Variants in HAPLN3 observed in about 807,000 individuals in gnomAD.
HAPLN3 encodes the protein hyaluronan and proteoglycan link protein 3.
In HAPLN3, 28 loss-of-function variants were observed where a neutral mutation model predicts 28.1. The observed-to-expected ratio is 1.00, with a 90% CI of 0.74 to 1.37. The LOEUF (loss-of-function observed/expected upper bound fraction) is 1.37. Ranked by LOEUF, HAPLN3 falls within the 40% of genes most tolerant of loss-of-function variation. The probability of loss-of-function intolerance (pLI) is 0.00; values close to 1 mark genes in which losing one functional copy is unlikely to be tolerated. For missense variants in HAPLN3, 513 were observed against 504.6 expected (o/e 1.02, Z -0.16); for synonymous variants, 211 against 213.1 (o/e 0.99, Z 0.09).
Position 88,887,219 on chromosome 15 carries a change from G to T in HAPLN3, c.80C>A (p.Ser27Tyr), listed in dbSNP as rs746281758. ...TAGGTTCTGGTCGTTGGCGCTGTTG[G>T]AGTAGTAGAAGCCGTTGTAGAAGGG... ...GLPFYNGFYYSNSANDQNLGN... is the reference protein window; with the variant it reads ...GLPFYNGFYYYNSANDQNLGN... The change falls in exon 2 of 5, where the codon TCC becomes TAC. Residue 27 changes from serine to tyrosine, a missense_variant. Physicochemically the swap from Ser to Tyr is moderately radical, Grantham distance 144. Transcript: ENST00000359595. 5 of 1,614,162 alleles carry T rather than the reference G, an allele frequency of 3.1e-6. No individual in the cohort carries two copies. Among genetic ancestry groups the T allele is most frequent in the East Asian group, 2.2e-5 (1 of 44,866 alleles).
chr15:88,887,476 G>T, intron 1 of HAPLN3, 131 bp from the exon 2 acceptor site: 2 of 794,554 alleles, frequency 2.5e-6, no homozygotes, highest in Non-Finnish European at 3.9e-6. Flanking sequence ...CGTGCCAGAC[G>T]CTGTTCCCGG....
At chr15:88,884,016 T>G (rs1042242733) in intron 2 of HAPLN3, among the ~76,000 whole-genome samples, 1 of 150,732 alleles carries the variant, frequency 6.6e-6, no homozygotes, top group Non-Finnish European at 1.5e-5. Flanking sequence ...GAGGCAGAAG[T>G]TGCAGTGAGC....
At chr15:88,889,298 C>A (rs1056049150) in intron 1 of HAPLN3, among the ~76,000 whole-genome samples, 1 of 151,968 alleles carries the variant, frequency 6.6e-6, no homozygotes, top group Non-Finnish European at 1.5e-5. Context: ...CCAGGGCCAG[C>A]GTCTGGATGC....
chr15:88,881,568 G>A lies in HAPLN3; in HGVS notation c.282C>T (p.Asn94=), dbSNP rs770601962. 3.2e-5 allele frequency: 52 copies of A among 1,613,920 alleles called. No individual in the cohort carries two copies. Among genetic ancestry groups the A allele is most frequent in the Middle Eastern group, 1.6e-4 (1 of 6,084 alleles). ...VRVKWWKLSE[N]GAPEKDVLVA... is the part of the protein sequence containing the mutation. ...CCAGCACGTCCTTCTCTGGGGCCCC[G>A]TTCTCCGACAGCTTCCACCATTTGA... The change falls in exon 3 of 5, where the codon AAC becomes AAT. Residue 94 remains asparagine, a synonymous_variant. Transcript: ENST00000359595. The surrounding 1 kb of genome is among the most constrained non-coding windows in gnomAD (Gnocchi z 6.0).
chr15:88,877,956 G>A lies in HAPLN3; in HGVS notation c.*14C>T, dbSNP rs759420678. 1 of 1,574,602 alleles carries A rather than the reference G, an allele frequency of 6.4e-7. No individual in the cohort carries two copies. Among genetic ancestry groups the A allele is most frequent in the Admixed American group, 1.8e-5 (1 of 54,984 alleles). The stretch of plus-strand genomic sequence containing the variant: ...CAGCCAGTGAGGGAATGCGGCAGGG[G>A]AGGGCCCCAGGTCCTAGTGCTGGCG... On this transcript the variant is annotated 3_prime_UTR_variant, in exon 5 of 5. Coordinates refer to ENST00000359595, the MANE Select transcript of HAPLN3 (RefSeq NM_178232.4). The surrounding 1 kb of genome is among the most constrained non-coding windows in gnomAD (Gnocchi z 5.1).
chr15:88,879,809 G>A lies in HAPLN3; in HGVS notation c.494-540C>T. On this transcript the variant is annotated intron_variant, in intron 3 of 4. Transcript: ENST00000359595. This position sits in a 1 kb window ranked among gnomAD's most constrained non-coding sequence, Gnocchi z 5.0. Reference sequence around the variant, plus strand: ...TTCCATAAAGGAGGCTCAAGGGCAGGGAGGTCTGGGGCAGGCGGTTTCTCT... The same window carrying A: ...TTCCATAAAGGAGGCTCAAGGGCAGAGAGGTCTGGGGCAGGCGGTTTCTCT... 9.2e-7 allele frequency: 1 copy of A among 1,088,908 alleles called. No homozygotes were observed. The highest frequency in any genetic ancestry group is 1.1e-6 in the Non-Finnish European group (1 of 891,402). 67.5% of individuals were successfully genotyped at this position (1,088,908 alleles called of 1,614,324 possible).
At chr15:88,891,620 T>C (rs556277318) in intron 1 of HAPLN3, among the ~76,000 whole-genome samples, 1 of 152,284 alleles carries the variant, frequency 6.6e-6, no homozygotes, top group East Asian at 1.9e-4. Flanking sequence ...TCCTTACCAC[T>C]ACCCTGACAT....
At chr15:88,878,336 C>T (rs1897594101) in intron 4 of HAPLN3, 80 bp from the exon 5 acceptor site, 1 of 1,340,378 alleles carries the variant, frequency 7.5e-7, no homozygotes, top group South Asian at 1.4e-5. Flanking sequence ...GATGCCAGCC[C>T]CAAAGACCCG....
chr15:88,882,067 A>AC lies in HAPLN3; in HGVS notation c.125-343dup, dbSNP rs1233143410. 5.3e-5 allele frequency among the ~76,000 whole-genome samples: 8 copies of AC among 152,302 alleles called. No homozygotes were observed. In the East Asian group the frequency reaches 1.5e-3, roughly 29 times the overall value. ...CTCTTTTTTTAGGACTTTGCCAGCC[A>AC]CCATGAGCACATGGCCAGGCTTGCC... On this transcript the variant is annotated intron_variant, in intron 2 of 4. Transcript: ENST00000359595.
chr15:88,893,932 A>G (rs2141679071), intron 1 of HAPLN3, among the ~76,000 whole-genome samples: 1 of 117,760 alleles, frequency 8.5e-6, no homozygotes, highest in South Asian at 3.1e-4. Flanking sequence ...CCATCTCAAA[A>G]AAAAAAAAAA....
rs563319973 is a variant in HAPLN3, at chr15:88,888,198, T to G, written c.-47-853A>C. On this transcript the variant is annotated intron_variant, in intron 1 of 4. Coordinates refer to ENST00000359595, the MANE Select transcript of HAPLN3 (RefSeq NM_178232.4). The surrounding 1 kb of genome is among the most constrained non-coding windows in gnomAD (Gnocchi z 4.1). ...CCTCCGCCTCCTGGGTTCAAGAAAT[T>G]CTCCTGCCTCAGCCTCCCGAGTAGC... 6.6e-6 allele frequency among the ~76,000 whole-genome samples: 1 copy of G among 150,542 alleles called. No individual in the cohort carries two copies. The highest frequency in any genetic ancestry group is 1.5e-5 in the Non-Finnish European group (1 of 67,650).
Position 88,895,198 on chromosome 15 carries a change from G to T in HAPLN3, c.-48+261C>A, listed in dbSNP as rs1404132250. Among the ~76,000 whole-genome samples the T allele has an allele frequency of 6.6e-6, 1 of 152,180 alleles. No individual in the cohort carries two copies. The highest frequency in any genetic ancestry group is 1.5e-5 in the Non-Finnish European group (1 of 68,030). The stretch of plus-strand genomic sequence containing the variant: ...TCTCGGAGGCCACGGGGTCCGCTCG[G>T]GCTCTGCTCCCTCACGGTGGGCACG... On this transcript the variant is annotated intron_variant, in intron 1 of 4. Coordinates refer to ENST00000359595, the MANE Select transcript of HAPLN3 (RefSeq NM_178232.4). The surrounding 1 kb of genome is among the most constrained non-coding windows in gnomAD (Gnocchi z 5.5).
At chr15:88,891,310 G>C (rs1407322084) in intron 1 of HAPLN3, among the ~76,000 whole-genome samples, 3 of 146,350 alleles carry the variant, frequency 2.0e-5, no homozygotes, top group African/African-American at 7.5e-5. Context: ...TTTTGTTTTT[G>C]TTTTGAGGCC....
chr15:88,894,794 G>C (rs1012163820), intron 1 of HAPLN3, among the ~76,000 whole-genome samples: 15 of 152,320 alleles, frequency 9.8e-5, no homozygotes, highest in African/African-American at 3.4e-4. Flanking sequence ...TACTGGCTGC[G>C]CACAAGCCTA....
intron 2 of HAPLN3, among the ~76,000 whole-genome samples, chr15:88,885,980 A>C (rs1567203725): frequency 1.3e-5 from 2 of 152,196 alleles, no homozygotes; most frequent in Non-Finnish European, 2.9e-5. Flanking sequence ...ATGATAATAG[A>C]ATCTACTTTC....
intron 1 of HAPLN3, among the ~76,000 whole-genome samples, chr15:88,893,990 C>T (rs1185442013): frequency 6.6e-6 from 1 of 151,356 alleles, no homozygotes; most frequent in Non-Finnish European, 1.5e-5. Flanking sequence ...AGAAAACACT[C>T]TCGTGAAGAT....
intron 2 of HAPLN3, among the ~76,000 whole-genome samples, chr15:88,884,181 G>A (rs868569566): frequency 1.3e-5 from 2 of 152,202 alleles, no homozygotes; most frequent in African/African-American, 2.4e-5. Flanking sequence ...GGGACAAAAG[G>A]GAAAGACAAA....
intron 1 of HAPLN3, among the ~76,000 whole-genome samples, chr15:88,892,138 T>G (rs56126648): frequency 0.026 from 3,952 of 152,150 alleles, 170 homozygotes; most frequent in African/African-American, 0.087. Flanking sequence ...TAATGTAACC[T>G]CACATTGAGG....
chr15:88,887,135 A>C, intron 2 of HAPLN3, 40 bp downstream of exon 2: 1 of 1,611,814 alleles, frequency 6.2e-7, no homozygotes, highest in South Asian at 1.1e-5. Context: ...GGTCTAGGTC[A>C]CCCAGGGGAG....
Sources: gnomAD v4.1 joint callset for allele counts (sites outside exome capture counted in the v4.1 genomes callset) on GRCh38, gnomAD v4.1.1 for gene constraint, Gnocchi (gnomAD v3.1) non-coding constraint, MANE v1.5 for transcripts, NCBI Gene and HGNC (gene_info 2026-07-23, HGNC 2026-07-21) for gene names.